Variants in MDGA2 observed in about 807,000 individuals in gnomAD.
MDGA2 encodes MAM domain-containing glycosylphosphatidylinositol anchor protein 2.
In MDGA2, 40 loss-of-function variants were observed where a neutral mutation model predicts 117.8. The ratio of observed to expected loss-of-function variants is 0.34; its 90% CI spans 0.26 to 0.44. The LOEUF (loss-of-function observed/expected upper bound fraction) is 0.44. MDGA2 is among the 20% of genes least tolerant of loss of function. MDGA2 has a pLI of 1.00. For missense variants in MDGA2, 1,123 were observed against 1,250.6 expected, an observed-to-expected ratio of 0.90 and a Z score of 1.54; for synonymous variants, 452 against 439.0, an observed-to-expected ratio of 1.03 and a Z score of -0.37.
chr14:46,854,703 CTT>C (rs969959132), intron 15 of MDGA2, among the ~76,000 whole-genome samples: 1 of 151,400 alleles, frequency 6.6e-6, no homozygotes, highest in African/African-American at 2.4e-5. Flanking sequence ...ATTATAGAAA[CTT>C]ATAATAATTT....
At chr14:47,614,267 T>C (rs1381985365) in intron 1 of MDGA2, among the ~76,000 whole-genome samples, 2 of 152,000 alleles carry the variant, frequency 1.3e-5, no homozygotes, top group Non-Finnish European at 2.9e-5. Flanking sequence ...TTTTTTTATT[T>C]TTTGAAGAGA....
At chr14:47,079,123 C>T (rs1294398426) in intron 6 of MDGA2, among the ~76,000 whole-genome samples, 2 of 151,790 alleles carry the variant, frequency 1.3e-5, no homozygotes, top group African/African-American at 2.4e-5. Flanking sequence ...GTTACTTACT[C>T]TTCACTTGAC....
intron 7 of MDGA2, among the ~76,000 whole-genome samples, chr14:47,053,791 G>C (rs1216120381): frequency 6.6e-6 from 1 of 151,628 alleles, no homozygotes; most frequent in East Asian, 1.9e-4. Flanking sequence ...AAGTTGAAAA[G>C]GGAAGAAATG....
intron 14 of MDGA2, among the ~76,000 whole-genome samples, chr14:46,870,494 T>A (rs1204277155): frequency 2.0e-5 from 3 of 151,946 alleles, no homozygotes; most frequent in African/African-American, 7.2e-5. Context: ...TACCAGCAGA[T>A]CTCTCTAATG....
intron 15 of MDGA2, among the ~76,000 whole-genome samples, chr14:46,851,683 T>C (rs774588178): frequency 1.3e-5 from 2 of 151,866 alleles, no homozygotes; most frequent in African/African-American, 4.8e-5. Context: ...AAGTCACTTA[T>C]ATTCTGTGTA....
intron 1 of MDGA2, among the ~76,000 whole-genome samples, chr14:47,492,486 A>G (rs1469473991): frequency 3.3e-5 from 5 of 152,140 alleles, no homozygotes; most frequent in African/African-American, 1.2e-4. Context: ...GTGGATATAC[A>G]TATAGATATA....
At chr14:46,903,972 T>C (rs10137187) in intron 10 of MDGA2, among the ~76,000 whole-genome samples, 152,101 of 152,306 alleles carry the variant, frequency 1, 75,948 homozygotes, top group Middle Eastern at 1. Flanking sequence ...TAAAGGAAGA[T>C]GATTTTTAAT....
chr14:46,998,565 A>G (rs548480845), intron 8 of MDGA2, among the ~76,000 whole-genome samples: 3 of 152,266 alleles, frequency 2.0e-5, no homozygotes, highest in African/African-American at 4.8e-5. Flanking sequence ...TTGAAAGCCA[A>G]TAAGACTGAG....
At chr14:47,218,726 T>C (rs1566686380) in intron 2 of MDGA2, among the ~76,000 whole-genome samples, 1 of 152,112 alleles carries the variant, frequency 6.6e-6, no homozygotes, top group African/African-American at 2.4e-5. Flanking sequence ...GTTTAAGAGT[T>C]TGTTTTCCTT....
At chr14:47,419,342 T>C (rs1412253090) in intron 1 of MDGA2, among the ~76,000 whole-genome samples, 1 of 152,110 alleles carries the variant, frequency 6.6e-6, no homozygotes, top group African/African-American at 2.4e-5. Context: ...GAGATTTAGT[T>C]ATTGAAATAC....
At chr14:47,434,030 T>C (rs866254971) in intron 1 of MDGA2, among the ~76,000 whole-genome samples, 6 of 152,204 alleles carry the variant, frequency 3.9e-5, no homozygotes, top group South Asian at 2.1e-4. Context: ...AGAATATATC[T>C]CTTAAAAGAT....
intron 2 of MDGA2, among the ~76,000 whole-genome samples, chr14:47,295,775 G>T (rs182003280): frequency 4.5e-4 from 69 of 152,118 alleles, no homozygotes; most frequent in African/African-American, 1.6e-3. Flanking sequence ...GTAGTGGTAC[G>T]TGCCTGTAAT....
chr14:47,041,662 C>T (rs1889075417), intron 7 of MDGA2, among the ~76,000 whole-genome samples: 1 of 151,958 alleles, frequency 6.6e-6, no homozygotes, highest in Non-Finnish European at 1.5e-5. Flanking sequence ...ATGATTTGAA[C>T]ACATTGCTTT....
At chr14:47,125,907 T>G (rs926685136) in intron 5 of MDGA2, among the ~76,000 whole-genome samples, 5 of 152,034 alleles carry the variant, frequency 3.3e-5, no homozygotes, top group Non-Finnish European at 7.4e-5. Context: ...GCCTTTGAAG[T>G]TGTGAGACAT....
At chr14:46,991,495 C>G (rs1887092378) in intron 8 of MDGA2, among the ~76,000 whole-genome samples, 1 of 152,024 alleles carries the variant, frequency 6.6e-6, no homozygotes, top group Admixed American at 6.6e-5. Flanking sequence ...AGAGTCAAAG[C>G]AGCAAAGTTT....
rs549843495 is a variant in MDGA2 at position 46,999,288 on chromosome 14, A to T, written c.1819+35723T>A. On this transcript the variant is annotated intron_variant, in intron 8 of 16. Coordinates refer to ENST00000399232, the MANE Select transcript of MDGA2 (RefSeq NM_001113498.3). ...AAAATGTAATTAAGGTAATAAATTT[A>T]AAAAAAAATCTTTTTTTCCAATTCT... is the stretch of plus-strand genomic sequence containing the variant. 3.8e-3 allele frequency among the ~76,000 whole-genome samples: 518 copies of T among 137,752 alleles called. 4 individuals carry two copies. The highest frequency in any genetic ancestry group is 0.017 in the African/African-American group (475 of 28,678). The allele number at this position is 137,752 out of a possible 152,430, so 90.4% of individuals were successfully genotyped here. A position where few individuals can be genotyped will look rare whatever the true frequency, so the allele number is the denominator to read the frequency against.
intron 3 of MDGA2, among the ~76,000 whole-genome samples, chr14:47,166,558 C>T (rs1174585369): frequency 6.6e-6 from 1 of 152,120 alleles, no homozygotes; most frequent in African/African-American, 2.4e-5. Flanking sequence ...TGGTCTTAGG[C>T]AACATAACTT....
In MDGA2 at chr14:47,178,165, A is replaced by G. The variant is rs192309211; in HGVS notation, c.596-33891T>C. ...AAAAAAGTTAAAGGCATTAAGTAATATTAAAATTCATTTGAAAAGGACCAT... is the reference window on the plus strand; with the variant it reads ...AAAAAAGTTAAAGGCATTAAGTAATGTTAAAATTCATTTGAAAAGGACCAT... On this transcript the variant is annotated intron_variant, in intron 3 of 16. Transcript: ENST00000399232. Among the ~76,000 whole-genome samples the G allele has an allele frequency of 1.3e-5, 2 of 152,178 alleles. 1 individual carries two copies. The highest frequency in any genetic ancestry group is 4.1e-4 in the South Asian group (2 of 4,830).
intron 1 of MDGA2, among the ~76,000 whole-genome samples, chr14:47,592,802 A>C (rs892489396): frequency 4.6e-5 from 7 of 152,216 alleles, no homozygotes; most frequent in African/African-American, 1.2e-4. Flanking sequence ...TAATCTAGGC[A>C]ATACCATCTG....
Sources: allele counts gnomAD v4.1 joint callset (sites outside exome capture counted in the v4.1 genomes callset), GRCh38; gene constraint gnomAD v4.1.1; transcripts MANE v1.5; gene names NCBI Gene and HGNC (gene_info 2026-07-23, HGNC 2026-07-21).